The following ERN1 variants were observed in gnomAD, a reference collection of about 807,000 sequenced individuals.
ERN1 encodes endoplasmic reticulum to nucleus signaling 1, also known as serine/threonine-protein kinase/endoribonuclease IRE1.
In ERN1, 39 loss-of-function variants were observed where a neutral mutation model predicts 113.1. The observed-to-expected ratio is 0.34, with a 90% confidence interval of 0.27 to 0.45. The LOEUF (loss-of-function observed/expected upper bound fraction) is 0.45, where lower values mean the gene tolerates loss of function less well. Among genes scored for constraint, ERN1 ranks in the 20% least tolerant of loss-of-function variants. The pLI, the probability that ERN1 is intolerant of heterozygous loss-of-function variation, is 1.00. For missense variants in ERN1, 976 were observed against 1,274.8 expected, an observed-to-expected ratio of 0.77 and a Z score of 3.57; for synonymous variants, 507 against 515.9, an observed-to-expected ratio of 0.98 and a Z score of 0.23.
intron 18 of ERN1, among the ~76,000 whole-genome samples, chr17:64,048,794 G>A (rs1355758830): frequency 9.0e-6 from 1 of 111,624 alleles, no homozygotes; most frequent in East Asian, 2.7e-4. Flanking sequence ...GGTCTCCAAA[G>A]GGGGCTTTGC....
Position 64,061,136 on chromosome 17 carries a change from C to T in ERN1, c.1088-549G>A, listed in dbSNP as rs114857128. 1.8e-3 allele frequency among the ~76,000 whole-genome samples: 269 copies of T among 152,314 alleles called. 1 individual carries two copies. Among genetic ancestry groups the T allele is most frequent in the African/African-American group, 6.3e-3 (260 of 41,572 alleles). On this transcript the variant is annotated intron_variant, in intron 10 of 21. Coordinates refer to ENST00000433197, the MANE Select transcript of ERN1 (RefSeq NM_001433.5). ...ATGGATGGGGCCATAGCTTGCTCCA[C>T]GTTCATTTGCTGTTCACTACACAAC...
intron 1 of ERN1, among the ~76,000 whole-genome samples, chr17:64,110,995 C>T (rs926299370): frequency 6.6e-6 from 1 of 152,090 alleles, no homozygotes; most frequent in Non-Finnish European, 1.5e-5. Flanking sequence ...GAAACAGAAG[C>T]AGGAAAGAAT....
intron 6 of ERN1, among the ~76,000 whole-genome samples, chr17:64,070,774 T>G (rs560997023): frequency 1.3e-5 from 2 of 152,376 alleles, no homozygotes; most frequent in South Asian, 4.1e-4. Flanking sequence ...TCCTTCTAAA[T>G]GTTTTTTGTT....
intron 4 of ERN1, among the ~76,000 whole-genome samples, chr17:64,078,394 G>A (rs2143406069): frequency 6.6e-6 from 1 of 152,080 alleles, no homozygotes; most frequent in African/African-American, 2.4e-5. Context: ...TTCTGAATAT[G>A]AACTTTTGTT....
chr17:64,123,481 T>C (rs1215333911), intron 1 of ERN1, among the ~76,000 whole-genome samples: 1 of 152,254 alleles, frequency 6.6e-6, no homozygotes, highest in African/African-American at 2.4e-5. Context: ...TCTATTTTCA[T>C]CCAACTTTTA....
chr17:64,119,376 G>GTTTTTTT (rs3044073), intron 1 of ERN1, among the ~76,000 whole-genome samples: 22 of 77,900 alleles, frequency 2.8e-4, no homozygotes, highest in African/African-American at 5.6e-4. Context: ...TTTTTTCTAG[G>GTTTTTTT]TTTTTTTTTT....
chr17:64,106,557 A>C (rs1914532115), intron 1 of ERN1, among the ~76,000 whole-genome samples: 1 of 152,200 alleles, frequency 6.6e-6, no homozygotes, highest in Admixed American at 6.5e-5. Context: ...TAGATGGATA[A>C]GAAAGTAGGG....
intron 1 of ERN1, among the ~76,000 whole-genome samples, chr17:64,108,466 C>T (rs1914589153): frequency 6.6e-6 from 1 of 152,138 alleles, no homozygotes; most frequent in Admixed American, 6.6e-5. Context: ...GGAAAACAAG[C>T]CCTTTTTCTT....
chr17:64,063,999 G>GT lies in ERN1; in HGVS notation c.1073dup (p.Tyr358Ter). ...ACCTGCTCTTACCTATCAGAAGCCA[G>GT]TAATTCCTCAAGTAGTTGAGCTTGT... ...SKNKLNYLRN[Y>*]WLLIGHHETP... The change falls in exon 10 of 22, where the codon TAC (tyrosine) becomes TAAC (stop). Residue 358 changes from tyrosine (Y) to a stop codon, truncating the protein, a stop_gained and frameshift_variant. Coordinates refer to ENST00000433197, the MANE Select transcript of ERN1 (RefSeq NM_001433.5). LOFTEE classifies it high-confidence loss of function. The surrounding 1 kb of genome is among the most constrained non-coding windows in gnomAD (Gnocchi z 5.1). The GT allele has an allele frequency of 6.2e-7, 1 of 1,613,980 alleles. No homozygotes were observed. Among genetic ancestry groups the GT allele is most frequent in the Non-Finnish European group, 8.5e-7 (1 of 1,179,872 alleles).
intron 1 of ERN1, among the ~76,000 whole-genome samples, chr17:64,108,844 C>T (rs758093801): frequency 1.3e-5 from 2 of 152,044 alleles, no homozygotes; most frequent in Non-Finnish European, 2.9e-5. Context: ...AAGTCCTGGC[C>T]GGGTGCAGTA....
At chr17:64,079,436 G>A (rs1913698414) in intron 4 of ERN1, among the ~76,000 whole-genome samples, 2 of 152,076 alleles carry the variant, frequency 1.3e-5, no homozygotes, top group Non-Finnish European at 1.5e-5. Flanking sequence ...GAACCTGCTG[G>A]TCTGCATCCG....
At chr17:64,104,773 C>G (rs1162609071) in intron 1 of ERN1, among the ~76,000 whole-genome samples, 1 of 151,896 alleles carries the variant, frequency 6.6e-6, no homozygotes, top group Admixed American at 6.6e-5. Context: ...GAGCCAAGAT[C>G]GCACCACTGC....
Position 64,063,821 on chromosome 17 carries a change from T to C in ERN1, c.1087+165A>G, listed in dbSNP as rs1913129089. ...CTCAGAAACACAGCTACCTTGTTGA[T>C]TTTCCTTGGGGGTAAAAATGTCCCA... On this transcript the variant is annotated intron_variant, in intron 10 of 21. Transcript: ENST00000433197. This position sits in a 1 kb window ranked among gnomAD's most constrained non-coding sequence, Gnocchi z 5.1. 6.6e-6 allele frequency among the ~76,000 whole-genome samples: 1 copy of C among 152,140 alleles called. No individual in the cohort carries two copies. Among genetic ancestry groups the C allele is most frequent in the African/African-American group, 2.4e-5 (1 of 41,420 alleles).
At position 64,044,938 on chromosome 17, in the gene ERN1, A is replaced by G; in HGVS notation, c.2654-11T>C. 1.3e-6 allele frequency: 2 copies of G among 1,573,710 alleles called. No homozygotes were observed. The highest frequency in any genetic ancestry group is 1.3e-5 in the African/African-American group (1 of 74,288). ...TGAATTTACGCAGGTCTAGAAAAAC[A>G]TTGAGGGAAGCAATGGGTAATCAAA... On this transcript the variant is annotated splice_polypyrimidine_tract_variant and intron_variant, in intron 20 of 21. Coordinates refer to ENST00000433197, the MANE Select transcript of ERN1 (RefSeq NM_001433.5). This position sits in a 1 kb window ranked among gnomAD's most constrained non-coding sequence, Gnocchi z 4.1.
chr17:64,041,956 G>A lies in ERN1; in HGVS notation c.*2032C>T, dbSNP rs1912352071. On this transcript the variant is annotated 3_prime_UTR_variant, in exon 22 of 22. Transcript: ENST00000433197. ...GCAAGTGGGGCTAAAACAGGGAGAT[G>A]ACACAAAATTGGGTCACTAGAAATC... is the stretch of plus-strand genomic sequence containing the variant. The A allele has an allele frequency of 1.3e-5, 2 of 152,238 alleles. No individual in the cohort carries two copies. Among genetic ancestry groups the A allele is most frequent in the Non-Finnish European group, 2.9e-5 (2 of 68,036 alleles). 9.4% of individuals were successfully genotyped at this position (152,238 alleles called of 1,614,324 possible).
intron 1 of ERN1, among the ~76,000 whole-genome samples, chr17:64,111,982 T>C (rs1398659082): frequency 1.3e-5 from 2 of 152,144 alleles, no homozygotes; most frequent in Non-Finnish European, 2.9e-5. Context: ...CTTACCCTCA[T>C]GGGCAGACAG....
At chr17:64,102,681 T>G in intron 1 of ERN1, 1 of 985,428 alleles carries the variant, frequency 1.0e-6, no homozygotes, top group Non-Finnish European at 1.2e-6. Context: ...ACCTGAACAC[T>G]GAAAAACGCT....
intron 19 of ERN1, among the ~76,000 whole-genome samples, chr17:64,045,824 A>T (rs1387255306): frequency 6.6e-6 from 1 of 152,240 alleles, no homozygotes; most frequent in Non-Finnish European, 1.5e-5. Flanking sequence ...AAAACCAAAA[A>T]GAAAAGGAAA....
intron 1 of ERN1, among the ~76,000 whole-genome samples, chr17:64,115,866 G>T (rs1413658167): frequency 6.6e-6 from 1 of 152,152 alleles, no homozygotes; most frequent in East Asian, 1.9e-4. Flanking sequence ...GAAGCATGAT[G>T]ATCCATGACT....
Sources: gnomAD v4.1 joint callset for allele counts (sites outside exome capture counted in the v4.1 genomes callset) on GRCh38, gnomAD v4.1.1 for gene constraint, Gnocchi (gnomAD v3.1) non-coding constraint, MANE v1.5 for transcripts, NCBI Gene and HGNC (gene_info 2026-07-23, HGNC 2026-07-21) for gene names.